NUDCD1: variants seen among roughly 807,000 people sequenced by gnomAD.
NUDCD1 encodes the protein NudC domain containing 1.
NUDCD1 carries 60 observed loss-of-function variants against 67.8 expected under a neutral mutation model. The observed-to-expected ratio is 0.88, with a 90% CI of 0.72 to 1.10. The LOEUF is 1.10. NUDCD1 is among the 50% of genes least tolerant of loss of function. The pLI, the probability that NUDCD1 is intolerant of heterozygous loss-of-function variation, is 0.00. For missense variants in NUDCD1, 643 were observed against 695.0 expected (o/e 0.93, Z 0.84); for synonymous variants, 244 against 230.8 (o/e 1.06, Z -0.52).
At chr8:109,246,917 T>A (rs1197746304) in intron 8 of NUDCD1, among the ~76,000 whole-genome samples, 1 of 152,170 alleles carries the variant, frequency 6.6e-6, no homozygotes, top group Admixed American at 6.5e-5. Flanking sequence ...TTGGTAAAGC[T>A]GTGACAACAC....
intron 2 of NUDCD1, among the ~76,000 whole-genome samples, chr8:109,299,252 C>A (rs1814918883): frequency 6.6e-6 from 1 of 152,234 alleles, no homozygotes; most frequent in Admixed American, 6.5e-5. Flanking sequence ...AGTCTCCTTC[C>A]CAGAACTCAG....
chr8:109,270,501 A>C (rs1006822417), intron 8 of NUDCD1, among the ~76,000 whole-genome samples: 1 of 152,100 alleles, frequency 6.6e-6, no homozygotes, highest in Non-Finnish European at 1.5e-5. Context: ...GAATTCTGTA[A>C]CTCGTTATTA....
Position 109,284,957 on chromosome 8 carries a change from A to G in NUDCD1, c.824-3785T>C, listed in dbSNP as rs116168952. On this transcript the variant is annotated intron_variant, in intron 5 of 9. Coordinates refer to ENST00000239690, the MANE Select transcript of NUDCD1 (RefSeq NM_032869.4). The stretch of plus-strand genomic sequence containing the variant: ...ACAAAAAAAGAGAAGATGCAAATAA[A>G]CACAATCAGAAATGAAAAGGTAACA... Among the ~76,000 whole-genome samples, 725 of 152,020 alleles carry G rather than the reference A, an allele frequency of 4.8e-3. 11 individuals carry two copies. Among genetic ancestry groups the G allele is most frequent in the African/African-American group, 0.017 (696 of 41,486 alleles).
chr8:109,290,905 A>T (rs1217791176), intron 4 of NUDCD1, among the ~76,000 whole-genome samples: 1 of 152,156 alleles, frequency 6.6e-6, no homozygotes, highest in African/African-American at 2.4e-5. Context: ...CCTCACCTAC[A>T]TTCACACATT....
chr8:109,278,116 T>A (rs1439162780), intron 6 of NUDCD1, among the ~76,000 whole-genome samples: 1 of 152,202 alleles, frequency 6.6e-6, no homozygotes, highest in East Asian at 1.9e-4. Flanking sequence ...CTATGTAACA[T>A]CAACTTAAAG....
At chr8:109,264,938 T>C (rs948425449) in intron 8 of NUDCD1, among the ~76,000 whole-genome samples, 10 of 151,786 alleles carry the variant, frequency 6.6e-5, no homozygotes, top group African/African-American at 2.4e-4. Flanking sequence ...AAATGAATAT[T>C]TAAAAAAATT....
intron 8 of NUDCD1, among the ~76,000 whole-genome samples, chr8:109,268,684 C>T (rs529932193): frequency 6.6e-6 from 1 of 152,086 alleles, no homozygotes; most frequent in Admixed American, 6.6e-5. Flanking sequence ...AGAGTTATAG[C>T]ACCTAAAACT....
intron 1 of NUDCD1, among the ~76,000 whole-genome samples, chr8:109,332,681 G>C (rs2060016863): frequency 2.0e-5 from 3 of 152,148 alleles, no homozygotes; most frequent in Admixed American, 1.3e-4. Flanking sequence ...CTTGTTTTGA[G>C]ACACTGAATT....
chr8:109,334,059 G>T lies in NUDCD1; in HGVS notation c.-49C>A, dbSNP rs894145968. ...GAATTAATAAAGCCCTTGTTGAAAG[G>T]TCCGCGCTTCACGCCTCGCACAGAG... On this transcript the variant is annotated 5_prime_UTR_variant, in exon 1 of 10. Coordinates refer to ENST00000239690, the MANE Select transcript of NUDCD1 (RefSeq NM_032869.4). The T allele has an allele frequency of 5.6e-6, 9 of 1,611,352 alleles. No individual in the cohort carries two copies. Among genetic ancestry groups the T allele is most frequent in the Non-Finnish European group, 7.6e-6 (9 of 1,178,386 alleles).
intron 5 of NUDCD1, among the ~76,000 whole-genome samples, chr8:109,282,466 A>AAAAC (rs369956343): frequency 2.6e-4 from 40 of 152,188 alleles, no homozygotes; most frequent in Admixed American, 7.9e-4. Context: ...AAAGAGAAAG[A>AAAAC]AAACAAACAA....
intron 4 of NUDCD1, among the ~76,000 whole-genome samples, chr8:109,291,390 C>T (rs962625729): frequency 6.6e-6 from 1 of 152,164 alleles, no homozygotes; most frequent in Non-Finnish European, 1.5e-5. Context: ...AGTGATCCTC[C>T]TGCTTTGACC....
At chr8:109,317,778 T>G (rs772412660) in intron 2 of NUDCD1, among the ~76,000 whole-genome samples, 2 of 152,212 alleles carry the variant, frequency 1.3e-5, no homozygotes, top group Admixed American at 6.5e-5. Context: ...CTCTTTATAT[T>G]TGCATAATGC....
At chr8:109,311,305 A>C (rs576018524) in intron 2 of NUDCD1, among the ~76,000 whole-genome samples, 1 of 152,276 alleles carries the variant, frequency 6.6e-6, no homozygotes, top group South Asian at 2.1e-4. Context: ...AACAGGGAAC[A>C]CTTCTGTGCT....
chr8:109,321,793 T>C (rs1325494647), intron 2 of NUDCD1, among the ~76,000 whole-genome samples: 1 of 151,756 alleles, frequency 6.6e-6, no homozygotes, highest in African/African-American at 2.4e-5. Context: ...AGAAGAAAAA[T>C]ACTAATTTAC....
chr8:109,284,007 A>AG (rs1491103453), intron 5 of NUDCD1, among the ~76,000 whole-genome samples: 4 of 142,774 alleles, frequency 2.8e-5, no homozygotes, highest in Non-Finnish European at 5.9e-5. Flanking sequence ...AAAAAAAAAA[A>AG]CAAAACAAAA....
At chr8:109,325,823 T>C (rs922136295) in intron 1 of NUDCD1, among the ~76,000 whole-genome samples, 1 of 152,154 alleles carries the variant, frequency 6.6e-6, no homozygotes, top group Non-Finnish European at 1.5e-5. Flanking sequence ...ATAACTACAA[T>C]ATGGAAAACA....
intron 8 of NUDCD1, among the ~76,000 whole-genome samples, chr8:109,257,884 C>A (rs899375679): frequency 2.0e-5 from 3 of 152,018 alleles, no homozygotes; most frequent in Non-Finnish European, 1.5e-5. Context: ...AAAACAGGTA[C>A]CTGGCCCACT....
intron 8 of NUDCD1, among the ~76,000 whole-genome samples, chr8:109,267,629 AAAGAT>A (rs534501565): frequency 6.4e-4 from 98 of 152,350 alleles, no homozygotes; most frequent in Non-Finnish European, 1.2e-3. Context: ...CAACTGAAAC[AAAGAT>A]AAGAATCTTT....
rs77627766 is a variant in NUDCD1, at chr8:109,242,080, T to C, written c.*929A>G. The C allele has an allele frequency of 9.7e-3, 3,854 of 398,146 alleles. 133 individuals carry two copies. The highest frequency in any genetic ancestry group is 0.071 in the African/African-American group (3,464 of 48,694). 24.7% of individuals were successfully genotyped at this position (398,146 alleles called of 1,614,324 possible). The stretch of plus-strand genomic sequence containing the variant: ...TATAATTTGTCCTTGTGTGGTAAGA[T>C]TGTTCCATCAATGGCCCCCAATGAG... On this transcript the variant is annotated 3_prime_UTR_variant, in exon 10 of 10. Transcript: ENST00000239690.
Sources: allele counts gnomAD v4.1 joint callset (sites outside exome capture counted in the v4.1 genomes callset), GRCh38; gene constraint gnomAD v4.1.1; transcripts MANE v1.5; gene names NCBI Gene and HGNC (gene_info 2026-07-23, HGNC 2026-07-21).